Variants in TIAM1 observed in about 807,000 individuals in gnomAD.
TIAM1 encodes the protein TIAM Rac1 associated GEF 1.
A neutral mutation model predicts 163.5 loss-of-function variants in TIAM1; 65 were observed. The observed-to-expected ratio is 0.40, with a 90% CI of 0.33 to 0.49. TIAM1 has a LOEUF of 0.49. Among genes scored for constraint, TIAM1 ranks in the 20% least tolerant of loss-of-function variants. The pLI, the probability that TIAM1 is intolerant of heterozygous loss-of-function variation, is 0.77. For missense variants in TIAM1, 1,789 were observed against 2,044.7 expected (o/e 0.87, Z 2.41); for synonymous variants, 833 against 810.1 (o/e 1.03, Z -0.48).
chr21:31,141,416 C>T lies in TIAM1; in HGVS notation c.3564G>A (p.Lys1188=). The T allele has an allele frequency of 6.2e-7, 1 of 1,614,230 alleles. No individual in the cohort carries two copies. Among genetic ancestry groups the T allele is most frequent in the South Asian group, 1.1e-5 (1 of 91,084 alleles). The part of the protein sequence containing the change: ...HSSTLESYLI[K]PIQRILKYPL... ...GGTACTTGAGGATCCTCTGGATGGG[C>T]TTGATGAGGTACGACTCCAGCGTGG... is the stretch of plus-strand genomic sequence containing the variant. The change falls in exon 21 of 28, where the codon AAG becomes AAA. Residue 1188 remains lysine, a synonymous_variant. Coordinates refer to ENST00000541036, the MANE Select transcript of TIAM1 (RefSeq NM_001353694.2). This position sits in a 1 kb window ranked among gnomAD's most constrained non-coding sequence, Gnocchi z 4.7.
chr21:31,331,557 G>C (rs1438089624), intron 2 of TIAM1, among the ~76,000 whole-genome samples: 1 of 152,204 alleles, frequency 6.6e-6, no homozygotes, highest in Non-Finnish European at 1.5e-5. Flanking sequence ...CCTGAGGACT[G>C]GGAATCTCCG....
At chr21:31,288,616 T>C (rs2146905048) in intron 2 of TIAM1, among the ~76,000 whole-genome samples, 1 of 152,232 alleles carries the variant, frequency 6.6e-6, no homozygotes, top group African/African-American at 2.4e-5. Flanking sequence ...TATACCAACA[T>C]TCAGAGCATA....
rs1408666593 is a variant in TIAM1 at position 31,233,248 on chromosome 21, C to T, written c.1585-7298G>A. On this transcript the variant is annotated intron_variant, in intron 6 of 27. Coordinates refer to ENST00000541036, the MANE Select transcript of TIAM1 (RefSeq NM_001353694.2). ...AAGAATAATTGTAAAGTAGGTCAAA[C>T]GCTTTCATTTTAAAAGAAAAAAAAA... Among the ~76,000 whole-genome samples the T allele has an allele frequency of 2.6e-5, 4 of 151,866 alleles. No individual in the cohort carries two copies. In the East Asian group the frequency reaches 7.7e-4, roughly 29 times the overall value.
intron 25 of TIAM1, among the ~76,000 whole-genome samples, 175 bp downstream of exon 25, chr21:31,130,038 A>G (rs1265544067): frequency 6.6e-6 from 1 of 150,672 alleles, no homozygotes; most frequent in African/African-American, 2.4e-5. Flanking sequence ...TATTTAATCA[A>G]TGGCTGGGTA....
At chr21:31,413,264 C>CTTTTTTTTTTTTTTTTTTTTTTTTTTTTT (rs397866519) in intron 2 of TIAM1, among the ~76,000 whole-genome samples, 5 of 87,876 alleles carry the variant, frequency 5.7e-5, no homozygotes, top group Non-Finnish European at 6.1e-5. Flanking sequence ...CTTTTCTTTT[C>CTTTTTTTTTTTTTTTTTTTTTTTTTTTTT]TTTTTTTTTT....
At chr21:31,481,212 C>G (rs1257287928) in intron 1 of TIAM1, among the ~76,000 whole-genome samples, 2 of 152,160 alleles carry the variant, frequency 1.3e-5, no homozygotes, top group African/African-American at 4.8e-5. Context: ...CAAGTGTGTA[C>G]AGGTCCTATA....
intron 1 of TIAM1, among the ~76,000 whole-genome samples, chr21:31,532,074 G>A (rs2047989665): frequency 6.6e-6 from 1 of 152,094 alleles, no homozygotes; most frequent in African/African-American, 2.4e-5. Context: ...CCATGATTGT[G>A]CCACTGCATT....
chr21:31,346,564 C>T (rs1245252473), upstream of TIAM1, among the ~76,000 whole-genome samples: 1 of 152,146 alleles, frequency 6.6e-6, no homozygotes, highest in African/African-American at 2.4e-5. Flanking sequence ...TCAGAGATCG[C>T]GTACTTCGGG....
chr21:31,196,256 A>C (rs2085845626), intron 12 of TIAM1, among the ~76,000 whole-genome samples: 1 of 152,172 alleles, frequency 6.6e-6, no homozygotes, highest in Non-Finnish European at 1.5e-5. Flanking sequence ...TAAAAAGTCA[A>C]AAAACAACAA....
intron 2 of TIAM1, among the ~76,000 whole-genome samples, chr21:31,328,901 C>T (rs2075583073): frequency 1.3e-5 from 2 of 152,142 alleles, no homozygotes; most frequent in South Asian, 2.1e-4. Flanking sequence ...CTGCCTTGGC[C>T]TCCCAAAGTG....
intron 6 of TIAM1, among the ~76,000 whole-genome samples, chr21:31,229,936 A>G (rs2088312762): frequency 6.6e-6 from 1 of 152,186 alleles, no homozygotes; most frequent in African/African-American, 2.4e-5. Context: ...TACAAGCGTG[A>G]GCTACCGCGC....
chr21:31,314,698 C>A (rs2075045599), intron 2 of TIAM1, among the ~76,000 whole-genome samples: 1 of 152,104 alleles, frequency 6.6e-6, no homozygotes, highest in Non-Finnish European at 1.5e-5. Flanking sequence ...AAAAGCGCTA[C>A]CCAGACGGAA....
At position 31,338,960 on chromosome 21, in the gene TIAM1, C is replaced by G. The variant is rs79571289; in HGVS notation, c.-189+283G>C. On this transcript the variant is annotated intron_variant, in intron 2 of 27. Coordinates refer to ENST00000541036, the MANE Select transcript of TIAM1 (RefSeq NM_001353694.2). Reference sequence around the variant, plus strand: ...CCTTTCCTAGTATCATGGGGGCAGACAAAAGAGAAGTCAGAAAGACAGAGG... The same window carrying G: ...CCTTTCCTAGTATCATGGGGGCAGAGAAAAGAGAAGTCAGAAAGACAGAGG... 6.6e-3 allele frequency among the ~76,000 whole-genome samples: 999 copies of G among 152,070 alleles called. 8 individuals are homozygous for G. Among genetic ancestry groups the G allele is most frequent in the African/African-American group, 0.022 (914 of 41,482 alleles).
chr21:31,458,335 G>A (rs1475429406), intron 2 of TIAM1, among the ~76,000 whole-genome samples: 1 of 151,846 alleles, frequency 6.6e-6, no homozygotes, highest in South Asian at 2.1e-4. Flanking sequence ...CAGGAGAATC[G>A]CTTGAACCCG....
rs1162815553 is a variant in TIAM1 at position 31,181,781 on chromosome 21, T to C, written c.2887+640A>G. On this transcript the variant is annotated intron_variant, in intron 15 of 27. Transcript: ENST00000541036. ...CTTTTTTTTTTTTTTTTTTTTTTTT[T>C]TTTTTTTTTTTTTTTTTTTTTTTTA... Among the ~76,000 whole-genome samples the C allele has an allele frequency of 1.3e-3, 110 of 86,188 alleles. 6 individuals are homozygous for C. The highest frequency in any genetic ancestry group is 8.1e-3 in the East Asian group (21 of 2,594). 56.5% of individuals were successfully genotyped at this position (86,188 alleles called of 152,430 possible). A position where few individuals can be genotyped will look rare whatever the true frequency, so the allele number is the denominator to read the frequency against.
chr21:31,513,129 A>G (rs1333567872), intron 1 of TIAM1, among the ~76,000 whole-genome samples: 1 of 152,216 alleles, frequency 6.6e-6, no homozygotes, highest in African/African-American at 2.4e-5. Context: ...AATGCTATTT[A>G]TTTTGTTTAA....
intron 1 of TIAM1, among the ~76,000 whole-genome samples, chr21:31,500,228 T>G (rs1043663056): frequency 4.6e-5 from 7 of 152,014 alleles, no homozygotes; most frequent in African/African-American, 1.7e-4. Context: ...AAGTACACCC[T>G]TGGAAAGGCC....
intron 16 of TIAM1, among the ~76,000 whole-genome samples, chr21:31,157,190 A>C (rs992473691): frequency 6.6e-6 from 1 of 152,248 alleles, no homozygotes; most frequent in Non-Finnish European, 1.5e-5. Flanking sequence ...TTAAACACTG[A>C]AATAAATGTA....
intron 22 of TIAM1, among the ~76,000 whole-genome samples, chr21:31,137,890 A>G (rs1042456478): frequency 6.7e-6 from 1 of 149,754 alleles, no homozygotes; most frequent in African/African-American, 2.5e-5. Context: ...ATACGAGATA[A>G]ATATCTGTTG....
Sources: gnomAD v4.1 joint callset for allele counts (sites outside exome capture counted in the v4.1 genomes callset) on GRCh38, gnomAD v4.1.1 for gene constraint, Gnocchi (gnomAD v3.1) non-coding constraint, MANE v1.5 for transcripts, NCBI Gene and HGNC (gene_info 2026-07-23, HGNC 2026-07-21) for gene names.